TMOD3: variants seen among roughly 807,000 people sequenced by gnomAD.
TMOD3 encodes the protein tropomodulin 3, also known as tropomodulin-3.
A neutral mutation model predicts 39.2 loss-of-function variants in TMOD3; 20 were observed. The ratio of observed to expected loss-of-function variants is 0.51; its 90% confidence interval spans 0.36 to 0.74. TMOD3 has a LOEUF of 0.74. TMOD3 is among the 30% of genes least tolerant of loss of function. The pLI, the probability that TMOD3 is intolerant of heterozygous loss-of-function variation, is 0.00. For synonymous variants in TMOD3, 143 were observed against 145.8 expected, an observed-to-expected ratio of 0.98 and a Z score of 0.14; for missense variants, 381 against 412.8, an observed-to-expected ratio of 0.92 and a Z score of 0.67.
At chr15:51,886,344 G>A (rs1039889245) in intron 3 of TMOD3, among the ~76,000 whole-genome samples, 18 of 152,202 alleles carry the variant, frequency 1.2e-4, no homozygotes, top group Non-Finnish European at 1.8e-4. Flanking sequence ...GTAGCGAGCC[G>A]AGATCACGCC....
Position 51,910,435 on chromosome 15 carries a change from G to C in TMOD3, c.*1625G>C, listed in dbSNP as rs541528591. On this transcript the variant is annotated 3_prime_UTR_variant, in exon 10 of 10. Coordinates refer to ENST00000308580, the MANE Select transcript of TMOD3 (RefSeq NM_014547.5). ...TACTAAAAATCAAAAAAGTAGCCGGGTGTGGTGGTGCACACCTGTAATCCC... is the reference window on the plus strand; with the variant it reads ...TACTAAAAATCAAAAAAGTAGCCGGCTGTGGTGGTGCACACCTGTAATCCC... 1 of 152,368 alleles carries C rather than the reference G, an allele frequency of 6.6e-6. No homozygotes were observed. Among genetic ancestry groups the C allele is most frequent in the Non-Finnish European group, 1.5e-5 (1 of 68,226 alleles). 9.4% of individuals were successfully genotyped at this position (152,368 alleles called of 1,614,324 possible).
chr15:51,861,220 A>G, intron 1 of TMOD3: 1 of 461,566 alleles, frequency 2.2e-6, no homozygotes, highest in East Asian at 5.2e-5. Flanking sequence ...GCATGACTGA[A>G]CAGTCCAATG....
At chr15:51,891,031 T>A (rs748368585) in intron 5 of TMOD3, among the ~76,000 whole-genome samples, 4 of 152,206 alleles carry the variant, frequency 2.6e-5, no homozygotes, top group Non-Finnish European at 5.9e-5. Flanking sequence ...AATAAAGGCT[T>A]TTCTTTTAAT....
rs200371906 is a variant in TMOD3, at chr15:51,868,706, TCA to T, written c.127-507_127-506del. Among the ~76,000 whole-genome samples, 486 of 152,292 alleles carry T rather than the reference TCA, an allele frequency of 3.2e-3. 1 individual carries two copies. Among genetic ancestry groups the T allele is most frequent in the Middle Eastern group, 0.014 (4 of 294 alleles). On this transcript the variant is annotated intron_variant, in intron 2 of 9. Transcript: ENST00000308580. ...GAAAACGTATGCTGGGCGCGGTGGCTCACACCTGTAATCCCAACACTTTGGGC... is the reference window on the plus strand; with the variant it reads ...GAAAACGTATGCTGGGCGCGGTGGCTCACCTGTAATCCCAACACTTTGGGC...
intron 1 of TMOD3, among the ~76,000 whole-genome samples, chr15:51,837,002 A>G (rs930283146): frequency 1.3e-5 from 2 of 152,200 alleles, no homozygotes; most frequent in Non-Finnish European, 2.9e-5. Flanking sequence ...AAGTGAACAC[A>G]GTTCCTGAAG....
chr15:51,876,604 G>C (rs2056505078), intron 3 of TMOD3, among the ~76,000 whole-genome samples: 1 of 151,914 alleles, frequency 6.6e-6, no homozygotes, highest in Non-Finnish European at 1.5e-5. Flanking sequence ...TGGGACTACA[G>C]GCACCTGCCA....
intron 1 of TMOD3, among the ~76,000 whole-genome samples, chr15:51,847,696 A>T (rs2056342552): frequency 6.6e-6 from 1 of 152,148 alleles, no homozygotes; most frequent in Non-Finnish European, 1.5e-5. Context: ...AAGCAGGAGG[A>T]TCACTTGAAG....
At chr15:51,834,597 A>G (rs558783902) in intron 1 of TMOD3, among the ~76,000 whole-genome samples, 1 of 152,296 alleles carries the variant, frequency 6.6e-6, no homozygotes, top group East Asian at 1.9e-4. Context: ...TTGGGAGACC[A>G]AGGCAGGCAG....
chr15:51,873,082 C>T (rs954105475), intron 3 of TMOD3, among the ~76,000 whole-genome samples: 1 of 152,166 alleles, frequency 6.6e-6, no homozygotes, highest in Non-Finnish European at 1.5e-5. Context: ...GAAATCCACC[C>T]TAGACTCTCA....
chr15:51,856,240 G>A (rs1474773148), intron 1 of TMOD3, among the ~76,000 whole-genome samples: 1 of 152,184 alleles, frequency 6.6e-6, no homozygotes, highest in Non-Finnish European at 1.5e-5. Context: ...TCCAGCCTGG[G>A]TAACAGAATG....
At chr15:51,896,288 A>G (rs1266328419) in intron 6 of TMOD3, 131 bp from the exon 7 acceptor site, 1 of 614,202 alleles carries the variant, frequency 1.6e-6, no homozygotes, top group Non-Finnish European at 2.8e-6. Context: ...ATTCATTTGT[A>G]GACTAATTCT....
At chr15:51,901,867 T>G (rs767935329) in intron 8 of TMOD3, 25 bp from the exon 9 acceptor site, 7 of 1,604,290 alleles carry the variant, frequency 4.4e-6, no homozygotes, top group Non-Finnish European at 6.0e-6. Context: ...TTATTAATAT[T>G]GTTCTTTTTT....
intron 9 of TMOD3, among the ~76,000 whole-genome samples, chr15:51,906,910 C>T (rs1455636792): frequency 1.3e-5 from 2 of 151,478 alleles, no homozygotes; most frequent in Non-Finnish European, 2.9e-5. Flanking sequence ...ATCCCAGCTA[C>T]TCGGGAGGCT....
intron 3 of TMOD3, among the ~76,000 whole-genome samples, chr15:51,878,390 G>A (rs1261008191): frequency 6.6e-6 from 1 of 151,930 alleles, no homozygotes; most frequent in East Asian, 1.9e-4. Context: ...GTGTGTGTGT[G>A]TGTGTGTGTG....
chr15:51,853,585 A>G (rs916369650), intron 1 of TMOD3, among the ~76,000 whole-genome samples: 1 of 152,066 alleles, frequency 6.6e-6, no homozygotes, highest in African/African-American at 2.4e-5. Context: ...TTTCAGTTAC[A>G]CCCTTAAGTT....
intron 1 of TMOD3, chr15:51,859,913 G>A: frequency 3.7e-6 from 2 of 542,122 alleles, no homozygotes; most frequent in Non-Finnish European, 7.5e-6. Context: ...TCTGAATGCA[G>A]TCATGGTTCT....
At chr15:51,857,096 A>G (rs1180695670) in intron 1 of TMOD3, among the ~76,000 whole-genome samples, 2 of 152,252 alleles carry the variant, frequency 1.3e-5, no homozygotes, top group African/African-American at 2.4e-5. Flanking sequence ...ACTCAAAACA[A>G]TGAACAACAT....
chr15:51,839,165 C>CTTTTTTTTTTTTTTTTTTTTT (rs60102349), intron 1 of TMOD3, among the ~76,000 whole-genome samples: 2 of 108,970 alleles, frequency 1.8e-5, no homozygotes, highest in Non-Finnish European at 4.0e-5. Context: ...GTGTATCTCT[C>CTTTTTTTTTTTTTTTTTTTTT]TTTTTTTTTT....
chr15:51,866,919 A>C (rs2056449821), intron 2 of TMOD3, among the ~76,000 whole-genome samples: 1 of 152,220 alleles, frequency 6.6e-6, no homozygotes, highest in African/African-American at 2.4e-5. Flanking sequence ...AGTGCTACAC[A>C]CTGTAAGAGC....
Sources: gnomAD v4.1 joint callset for allele counts (sites outside exome capture counted in the v4.1 genomes callset) on GRCh38, gnomAD v4.1.1 for gene constraint, MANE v1.5 for transcripts, NCBI Gene and HGNC (gene_info 2026-07-23, HGNC 2026-07-21) for gene names.